The following DNAJC15 variants were observed in gnomAD, a reference collection of about 807,000 sequenced individuals.
DNAJC15 encodes DnaJ heat shock protein family (Hsp40) member C15.
DNAJC15 carries 27 observed loss-of-function variants against 22.4 expected under a neutral mutation model. That is an observed-to-expected ratio of 1.20 (90% CI 0.89 to 1.66). The LOEUF is 1.66. DNAJC15 is among the 40% of genes most tolerant of loss of function. DNAJC15 has a pLI of 0.00. For synonymous variants in DNAJC15, 79 were observed against 63.2 expected, an observed-to-expected ratio of 1.25 and a Z score of -1.19; for missense variants, 208 against 187.1, an observed-to-expected ratio of 1.11 and a Z score of -0.65.
chr13:43,091,829 A>G (rs2040716754), intron 5 of DNAJC15, among the ~76,000 whole-genome samples: 1 of 152,128 alleles, frequency 6.6e-6, no homozygotes. Context: ...ATTTTTTAAC[A>G]ATAGAGGGTT....
chr13:43,099,712 C>T (rs1300936226), intron 5 of DNAJC15, among the ~76,000 whole-genome samples: 1 of 152,030 alleles, frequency 6.6e-6, no homozygotes, highest in East Asian at 1.9e-4. Context: ...AAACTTGCAT[C>T]CCTGTGTTAA....
chr13:43,104,058 A>C (rs2040783953), intron 5 of DNAJC15, among the ~76,000 whole-genome samples: 1 of 152,174 alleles, frequency 6.6e-6, no homozygotes, highest in South Asian at 2.1e-4. Context: ...ATTGAGATAT[A>C]ATTTATATAG....
chr13:43,102,059 T>C (rs2040771927), intron 5 of DNAJC15, among the ~76,000 whole-genome samples: 2 of 152,230 alleles, frequency 1.3e-5, no homozygotes. Flanking sequence ...TGTATCAGTG[T>C]TCCCTTTTCA....
chr13:43,107,291 GAAAA>G lies in DNAJC15; in HGVS notation c.*52_*55del. ...GAAGGAAAAAAAAAGAGGGGACTTC[GAAAA>G]AAAAAAAAGCCCTGCAAAATATTCT... On this transcript the variant is annotated 3_prime_UTR_variant, in exon 6 of 6. Coordinates refer to ENST00000379221, the MANE Select transcript of DNAJC15 (RefSeq NM_013238.3). 1 of 1,235,508 alleles carries G rather than the reference GAAAA, an allele frequency of 8.1e-7. No homozygotes were observed. Among genetic ancestry groups the G allele is most frequent in the South Asian group, 1.9e-5 (1 of 51,330 alleles). The allele number at this position is 1,235,508 out of a possible 1,614,324, so 76.5% of individuals were successfully genotyped here.
chr13:43,073,261 C>A (rs1440931471), intron 3 of DNAJC15, among the ~76,000 whole-genome samples: 1 of 152,198 alleles, frequency 6.6e-6, no homozygotes, highest in Admixed American at 6.5e-5. Context: ...ACAGGCATGT[C>A]TTTCAGAGCA....
At chr13:43,085,103 C>A (rs184572609) in intron 4 of DNAJC15, among the ~76,000 whole-genome samples, 1 of 152,150 alleles carries the variant, frequency 6.6e-6, no homozygotes, top group Admixed American at 6.5e-5. Context: ...GAGGCTTACA[C>A]CTGTAATCCT....
intron 3 of DNAJC15, among the ~76,000 whole-genome samples, chr13:43,074,085 AATC>A (rs1488216008): frequency 3.3e-5 from 5 of 152,130 alleles, no homozygotes; most frequent in African/African-American, 4.8e-5. Context: ...ATACTAATTA[AATC>A]ATCCTTTGTT....
At chr13:43,081,225 C>T (rs552660841) in intron 4 of DNAJC15, among the ~76,000 whole-genome samples, 1 of 152,098 alleles carries the variant, frequency 6.6e-6, no homozygotes, top group Non-Finnish European at 1.5e-5. Flanking sequence ...TGTTTTTATA[C>T]CTGGTATAGT....
At chr13:43,100,682 C>A (rs1035298105) in intron 5 of DNAJC15, among the ~76,000 whole-genome samples, 1 of 152,048 alleles carries the variant, frequency 6.6e-6, no homozygotes, top group African/African-American at 2.4e-5. Context: ...GTTTTGTGGC[C>A]TATTATATGC....
chr13:43,095,651 G>C (rs540349094), intron 5 of DNAJC15, among the ~76,000 whole-genome samples: 1 of 152,028 alleles, frequency 6.6e-6, no homozygotes, highest in African/African-American at 2.4e-5. Flanking sequence ...GTTAGAAAAG[G>C]GGAAATCATC....
chr13:43,036,559 A>G, intron 1 of DNAJC15, among the ~76,000 whole-genome samples: 1 of 152,240 alleles, frequency 6.6e-6, no homozygotes, highest in Middle Eastern at 3.2e-3. Context: ...TTCATCCAGA[A>G]CTGGCAGCCT....
At position 43,110,742 on chromosome 13, in the gene DNAJC15, G is replaced by C. The variant is rs555500899; in HGVS notation, c.*3494G>C. Reference sequence around the variant, plus strand: ...CTCTCTGAGAGCAAGGATCATATCAGTCTTGTTTATTGTTGCAGTGAACAA... The same window carrying C: ...CTCTCTGAGAGCAAGGATCATATCACTCTTGTTTATTGTTGCAGTGAACAA... On this transcript the variant is annotated 3_prime_UTR_variant, in exon 6 of 6. Transcript: ENST00000379221. 3 of 152,078 alleles carry C rather than the reference G, an allele frequency of 2.0e-5. No homozygotes were observed. Among genetic ancestry groups the C allele is most frequent in the Admixed American group, 1.3e-4 (2 of 15,264 alleles). The allele number at this position is 152,078 out of a possible 1,614,324, so 9.4% of individuals were successfully genotyped here.
chr13:43,033,429 A>T (rs920317002), intron 1 of DNAJC15, among the ~76,000 whole-genome samples: 1 of 152,132 alleles, frequency 6.6e-6, no homozygotes, highest in East Asian at 1.9e-4. Flanking sequence ...AAAAAAAATA[A>T]ACCAATATTG....
intron 5 of DNAJC15, 142 bp from the exon 6 acceptor site, chr13:43,107,036 A>T: frequency 1.6e-6 from 1 of 635,952 alleles, no homozygotes; most frequent in Non-Finnish European, 2.4e-6. Context: ...TACTGTTTTG[A>T]TTTCTAGTTA....
At chr13:43,081,642 G>T (rs1005549582) in intron 4 of DNAJC15, among the ~76,000 whole-genome samples, 1 of 151,858 alleles carries the variant, frequency 6.6e-6, no homozygotes, top group African/African-American at 2.4e-5. Flanking sequence ...GTTTCACCGT[G>T]TTAGCAGGAT....
intron 5 of DNAJC15, among the ~76,000 whole-genome samples, chr13:43,090,705 CTTTCTT>C (rs1042921139): frequency 4.7e-5 from 6 of 127,662 alleles, no homozygotes; most frequent in Non-Finnish European, 1.6e-5. Context: ...AGTCTTCTTT[CTTTCTT>C]TTTTTTTTTT....
At chr13:43,093,498 C>T (rs1250362115) in intron 5 of DNAJC15, among the ~76,000 whole-genome samples, 1 of 152,132 alleles carries the variant, frequency 6.6e-6, no homozygotes, top group African/African-American at 2.4e-5. Flanking sequence ...TCAGCCTCGG[C>T]CTCTCAGACT....
chr13:43,057,995 C>T (rs999378820), intron 1 of DNAJC15, among the ~76,000 whole-genome samples: 2 of 152,114 alleles, frequency 1.3e-5, no homozygotes, highest in African/African-American at 4.8e-5. Context: ...GCACCTGCTC[C>T]AGTGGAGGTA....
intron 5 of DNAJC15, among the ~76,000 whole-genome samples, chr13:43,104,189 C>T (rs2040784580): frequency 6.6e-6 from 1 of 152,074 alleles, no homozygotes; most frequent in Admixed American, 6.5e-5. Context: ...CCTTTTTGCC[C>T]CTTCCCATTG....
Sources: allele counts gnomAD v4.1 joint callset (sites outside exome capture counted in the v4.1 genomes callset), GRCh38; gene constraint gnomAD v4.1.1; transcripts MANE v1.5; gene names NCBI Gene and HGNC (gene_info 2026-07-23, HGNC 2026-07-21).